MARCHF1: variants seen among roughly 807,000 people sequenced by gnomAD.
The protein encoded by MARCHF1 is E3 ubiquitin-protein ligase MARCHF1.
MARCHF1 carries 40 observed loss-of-function variants against 54.2 expected under a neutral mutation model. The observed-to-expected ratio is 0.74, with a 90% CI of 0.57 to 0.96. The LOEUF (loss-of-function observed/expected upper bound fraction) is 0.96. Among genes scored for constraint, MARCHF1 ranks in the 40% least tolerant of loss-of-function variants. The probability of loss-of-function intolerance (pLI) is 0.00; values close to 1 mark genes in which losing one functional copy is unlikely to be tolerated. For missense variants in MARCHF1, 586 were observed against 656.5 expected, an observed-to-expected ratio of 0.89 and a Z score of 1.17; for synonymous variants, 236 against 236.3, an observed-to-expected ratio of 1.00 and a Z score of 0.01.
At chr4:163,597,978 C>T (rs1740829319) in intron 7 of MARCHF1, among the ~76,000 whole-genome samples, 2 of 152,300 alleles carry the variant, frequency 1.3e-5, no homozygotes, top group South Asian at 4.1e-4. Context: ...GTATTGTCTG[C>T]TCCCCTCCTC....
chr4:163,893,514 C>T (rs1221711416), intron 3 of MARCHF1, among the ~76,000 whole-genome samples: 3 of 152,098 alleles, frequency 2.0e-5, no homozygotes, highest in Non-Finnish European at 4.4e-5. Flanking sequence ...TGTCTCCACT[C>T]ATAAGATGTG....
chr4:164,275,189 A>T (rs1462435594), intron 1 of MARCHF1, among the ~76,000 whole-genome samples: 22 of 152,080 alleles, frequency 1.4e-4, no homozygotes, highest in Non-Finnish European at 2.9e-5. Context: ...GAATTCCAAA[A>T]AAAGAAATGG....
chr4:164,040,450 G>A (rs1368030711), intron 2 of MARCHF1, among the ~76,000 whole-genome samples: 2 of 145,732 alleles, frequency 1.4e-5, no homozygotes, highest in African/African-American at 5.0e-5. Context: ...GTATATCCTT[G>A]TATATTTATA....
Position 163,528,675 on chromosome 4 carries a change from A to C in MARCHF1, c.*73T>G, listed in dbSNP as rs906977553. On this transcript the variant is annotated 3_prime_UTR_variant, in exon 10 of 10. Coordinates refer to ENST00000514618, the MANE Select transcript of MARCHF1 (RefSeq NM_001394959.1). ...AGCTGAAGGGAGTAAATAATTCAAG[A>C]TCACTTCTGTCATTTGTAGTGGCTG... 1 of 1,433,880 alleles carries C rather than the reference A, an allele frequency of 7.0e-7. No homozygotes were observed. Among genetic ancestry groups the C allele is most frequent in the African/African-American group, 1.4e-5 (1 of 70,186 alleles). 88.8% of individuals were successfully genotyped at this position (1,433,880 alleles called of 1,614,324 possible).
intron 5 of MARCHF1, among the ~76,000 whole-genome samples, chr4:163,642,180 G>T (rs1016034974): frequency 2.0e-5 from 3 of 152,170 alleles, no homozygotes; most frequent in Non-Finnish European, 4.4e-5. Flanking sequence ...ATATGTGGCG[G>T]TGCCAGTGAT....
intron 3 of MARCHF1, among the ~76,000 whole-genome samples, chr4:163,928,913 T>C (rs904872136): frequency 6.6e-6 from 1 of 151,824 alleles, no homozygotes; most frequent in Non-Finnish European, 1.5e-5. Flanking sequence ...GTAGTAATTG[T>C]CCTCAAGATA....
chr4:164,056,462 T>A (rs1560883294), intron 2 of MARCHF1, among the ~76,000 whole-genome samples: 1 of 152,222 alleles, frequency 6.6e-6, no homozygotes, highest in Non-Finnish European at 1.5e-5. Flanking sequence ...GTTCCTTTAC[T>A]TCCTGCGCCA....
At chr4:164,203,311 AAGAG>A (rs760017096) in intron 1 of MARCHF1, among the ~76,000 whole-genome samples, 2 of 151,616 alleles carry the variant, frequency 1.3e-5, no homozygotes, top group African/African-American at 2.4e-5. Flanking sequence ...GTGTAGGAGA[AAGAG>A]AGAGAGAGAT....
intron 4 of MARCHF1, among the ~76,000 whole-genome samples, chr4:163,844,596 T>C (rs1046046722): frequency 2.0e-5 from 3 of 152,170 alleles, no homozygotes; most frequent in African/African-American, 7.2e-5. Context: ...ACATAAATGA[T>C]TCAATATAGA....
chr4:163,750,512 A>AT (rs1746490093), intron 4 of MARCHF1, among the ~76,000 whole-genome samples: 4 of 119,718 alleles, frequency 3.3e-5, no homozygotes, highest in Admixed American at 1.9e-4. Context: ...CTCTGTCTCA[A>AT]AAAATAAATA....
At chr4:164,340,424 T>TATATATATATATATATATATAC (rs1729887541) in intron 1 of MARCHF1, among the ~76,000 whole-genome samples, 1 of 131,760 alleles carries the variant, frequency 7.6e-6, no homozygotes, top group East Asian at 2.5e-4. Flanking sequence ...GATATATATA[T>TATATATATATATATATATATAC]ATATATATAT....
chr4:163,785,321 A>C (rs1747585428), intron 4 of MARCHF1, among the ~76,000 whole-genome samples: 1 of 152,116 alleles, frequency 6.6e-6, no homozygotes, highest in Non-Finnish European at 1.5e-5. Context: ...TGTTTTTCAT[A>C]CCAATGTCCA....
intron 3 of MARCHF1, among the ~76,000 whole-genome samples, chr4:163,977,823 A>G (rs1752679121): frequency 6.6e-6 from 1 of 152,246 alleles, no homozygotes; most frequent in Admixed American, 6.5e-5. Flanking sequence ...TCCTATAAAT[A>G]TAAACTTTCA....
intron 1 of MARCHF1, among the ~76,000 whole-genome samples, chr4:164,263,855 G>C (rs1733534165): frequency 6.6e-6 from 1 of 152,176 alleles, no homozygotes; most frequent in African/African-American, 2.4e-5. Context: ...ACCGATGCTA[G>C]TGAGGTTATG....
At chr4:163,564,132 G>A (rs1179559867) in intron 8 of MARCHF1, among the ~76,000 whole-genome samples, 1 of 151,960 alleles carries the variant, frequency 6.6e-6, no homozygotes, top group East Asian at 1.9e-4. Context: ...TTAACCATTC[G>A]CCTTACTGTT....
At chr4:164,286,037 C>T (rs532395043) in intron 1 of MARCHF1, among the ~76,000 whole-genome samples, 12 of 152,160 alleles carry the variant, frequency 7.9e-5, no homozygotes, top group African/African-American at 2.2e-4. Context: ...ACAGAAAAAT[C>T]AAGATTTCCC....
At chr4:163,953,437 A>G (rs1752172868) in intron 3 of MARCHF1, among the ~76,000 whole-genome samples, 1 of 152,168 alleles carries the variant, frequency 6.6e-6, no homozygotes, top group South Asian at 2.1e-4. Context: ...AAATATATAA[A>G]ATGCTGAACA....
In MARCHF1 at chr4:163,528,606, C is replaced by T. The variant is rs1738228045; in HGVS notation, c.*142G>A. ...GGTCTGTTTGTTTTTCTCCTTTCCT[C>T]TTTGAACAAAGTCAGGAAAAATGTG... On this transcript the variant is annotated 3_prime_UTR_variant, in exon 10 of 10. Transcript: ENST00000514618. The T allele has an allele frequency of 1.2e-6, 1 of 856,956 alleles. No homozygotes were observed. Among genetic ancestry groups the T allele is most frequent in the Non-Finnish European group, 1.8e-6 (1 of 568,244 alleles). The allele number at this position is 856,956 out of a possible 1,614,324, so 53.1% of individuals were successfully genotyped here. A position where few individuals can be genotyped will look rare whatever the true frequency, so the allele number is the denominator to read the frequency against.
chr4:164,218,823 C>T (rs963812926), intron 1 of MARCHF1, among the ~76,000 whole-genome samples: 8 of 145,872 alleles, frequency 5.5e-5, no homozygotes, highest in Non-Finnish European at 9.0e-5. Flanking sequence ...ATGTTGTGCA[C>T]ATGTACCCGA....
Sources: gnomAD v4.1 joint callset for allele counts (sites outside exome capture counted in the v4.1 genomes callset) on GRCh38, gnomAD v4.1.1 for gene constraint, MANE v1.5 for transcripts, NCBI Gene and HGNC (gene_info 2026-07-23, HGNC 2026-07-21) for gene names.